Variants in BIRC6 observed in about 807,000 individuals in gnomAD.
BIRC6 encodes the protein baculoviral IAP repeat containing 6, also known as dual E2 ubiquitin-conjugating enzyme/E3 ubiquitin-protein ligase BIRC6.
In BIRC6, 98 loss-of-function variants were observed where a neutral mutation model predicts 503.3. That is an observed-to-expected ratio of 0.19 (90% CI 0.17 to 0.23). The LOEUF (loss-of-function observed/expected upper bound fraction) is 0.23. Ranked by LOEUF, BIRC6 falls within the 10% of genes least tolerant of loss-of-function variation. The pLI is 1.00. For synonymous variants in BIRC6, 2,240 were observed against 2,078.7 expected (o/e 1.08, Z -2.11); for missense variants, 5,360 against 5,806.0 (o/e 0.92, Z 2.50).
intron 73 of BIRC6, among the ~76,000 whole-genome samples, chr2:32,613,774 G>T (rs1390834869): frequency 6.6e-6 from 1 of 152,174 alleles, no homozygotes; most frequent in African/African-American, 2.4e-5. Flanking sequence ...TTCATCTGTA[G>T]ACTATCTTGG....
chr2:32,418,633 C>A (rs969698939), intron 10 of BIRC6, among the ~76,000 whole-genome samples: 4 of 152,232 alleles, frequency 2.6e-5, no homozygotes, highest in African/African-American at 7.2e-5. Context: ...GACATGGCAC[C>A]CCGGTGCACA....
intron 9 of BIRC6, among the ~76,000 whole-genome samples, chr2:32,410,858 GC>G (rs1342996521): frequency 6.6e-6 from 1 of 151,834 alleles, no homozygotes; most frequent in Non-Finnish European, 1.5e-5. Context: ...CCGCCAGCAC[GC>G]CCGGCTAAAT....
chr2:32,388,336 T>G (rs1437290884), intron 3 of BIRC6, among the ~76,000 whole-genome samples: 4 of 149,922 alleles, frequency 2.7e-5, no homozygotes, highest in African/African-American at 9.8e-5. Flanking sequence ...GAGCCGAGAT[T>G]GCACCACTGC....
chr2:32,479,543 C>T lies in BIRC6; in HGVS notation c.7334C>T (p.Ser2445Phe). 1 of 1,608,040 alleles carries T rather than the reference C, an allele frequency of 6.2e-7. No individual in the cohort carries two copies. The highest frequency in any genetic ancestry group is 8.5e-7 in the Non-Finnish European group (1 of 1,176,928). The change falls in exon 37 of 74, where the codon TCT becomes TTT. Residue 2445 changes from serine to phenylalanine, a missense_variant. By Grantham distance (155) the Ser-to-Phe change is radical. Around this residue, in one of 16 missense-constraint regions of BIRC6, gnomAD observed 2,299 missense variants for 2,267.2 expected, o/e 1.01. Transcript: ENST00000421745. Reference sequence around the variant, plus strand: ...GATGTAGGTGCGACAGCTGGTGACTCTGATGACTCCCTTCAACAGTCCTCA... The same window carrying T: ...GATGTAGGTGCGACAGCTGGTGACTTTGATGACTCCCTTCAACAGTCCTCA... ...GDDVGATAGD[S>F]DDSLQQSSVQ...
At chr2:32,385,208 C>G (rs1303941323) in intron 3 of BIRC6, among the ~76,000 whole-genome samples, 3 of 152,192 alleles carry the variant, frequency 2.0e-5, no homozygotes, top group Non-Finnish European at 4.4e-5. Flanking sequence ...ATCTGTAAAT[C>G]AGGGCCAAGA....
At chr2:32,446,043 A>G (rs2045912581) in intron 21 of BIRC6, among the ~76,000 whole-genome samples, 1 of 151,768 alleles carries the variant, frequency 6.6e-6, no homozygotes, top group African/African-American at 2.4e-5. Flanking sequence ...TTTAGTAGAG[A>G]CGGGGTTTCT....
Position 32,471,087 on chromosome 2 carries a change from T to A in BIRC6, c.6555T>A (p.Val2185=). ...VSRLLDYVAT[V]EDEAAAAKKP... ...GGTTGCTGGATTATGTGGCAACTGTTGAAGATGAAGCAGCAGCTGCAAAGA... is the reference window on the plus strand; with the variant it reads ...GGTTGCTGGATTATGTGGCAACTGTAGAAGATGAAGCAGCAGCTGCAAAGA... Residue 2185 remains valine (V), a synonymous_variant, in exon 32 of 74, where the codon GTT becomes GTA. Coordinates refer to ENST00000421745, the MANE Select transcript of BIRC6 (RefSeq NM_016252.4). 6.3e-7 allele frequency: 1 copy of A among 1,581,380 alleles called. No individual in the cohort carries two copies. The highest frequency in any genetic ancestry group is 8.6e-7 in the Non-Finnish European group (1 of 1,161,632).
At chr2:32,448,247 G>A (rs1202844828) in intron 21 of BIRC6, among the ~76,000 whole-genome samples, 14 of 95,766 alleles carry the variant, frequency 1.5e-4, no homozygotes, top group Admixed American at 5.6e-4. Flanking sequence ...CTTCCCAGAC[G>A]GGGTGGCGGC....
intron 68 of BIRC6, among the ~76,000 whole-genome samples, chr2:32,596,366 G>C (rs1037083813): frequency 4.0e-5 from 6 of 150,854 alleles, no homozygotes; most frequent in Non-Finnish European, 7.4e-5. Context: ...TGTAACCCCA[G>C]CTACTCAGGA....
intron 57 of BIRC6, among the ~76,000 whole-genome samples, chr2:32,524,069 A>T (rs1042799966): frequency 6.6e-6 from 1 of 151,786 alleles, no homozygotes; most frequent in Non-Finnish European, 1.5e-5. Flanking sequence ...AGAATTGGAG[A>T]CTTGATAACA....
At chr2:32,371,889 T>G (rs1248770654) in intron 1 of BIRC6, among the ~76,000 whole-genome samples, 1 of 152,120 alleles carries the variant, frequency 6.6e-6, no homozygotes, top group Non-Finnish European at 1.5e-5. Context: ...CACTGCAACC[T>G]CCACCTCCCT....
At chr2:32,367,057 A>G (rs921493412) in intron 1 of BIRC6, among the ~76,000 whole-genome samples, 1 of 152,232 alleles carries the variant, frequency 6.6e-6, no homozygotes, top group East Asian at 1.9e-4. Flanking sequence ...AAGTTAAGAT[A>G]AACTTGGGTG....
intron 3 of BIRC6, among the ~76,000 whole-genome samples, chr2:32,386,084 G>A (rs577087934): frequency 1.3e-5 from 2 of 152,302 alleles, no homozygotes; most frequent in African/African-American, 4.8e-5. Context: ...TCATGATGTA[G>A]TGGACCATTA....
At position 32,515,630 on chromosome 2, in the gene BIRC6, A is replaced by C; in HGVS notation, c.11209A>C (p.Ser3737Arg). ...GSHNLGAQQT[S>R]ARSASLSSAA... ...CCATAATTTAGGTGCACAACAGACC[A>C]GTGCAAGATCAGCTTCTCTTTCTTC... is the stretch of plus-strand genomic sequence containing the variant. The change falls in exon 55 of 74, where the codon AGT (serine) becomes CGT (arginine). Residue 3737 changes from serine to arginine, a missense_variant. Ser to Arg is a moderately radical substitution (Grantham distance 110). Around this residue, in one of 16 missense-constraint regions of BIRC6, gnomAD observed 878 missense variants for 928.9 expected, o/e 0.95. Transcript: ENST00000421745. The C allele has an allele frequency of 1.2e-6, 2 of 1,613,092 alleles. No homozygotes were observed. The highest frequency in any genetic ancestry group is 1.7e-6 in the Non-Finnish European group (2 of 1,179,880).
At chr2:32,603,153 G>C in intron 71 of BIRC6, 70 bp downstream of exon 71, 1 of 1,191,444 alleles carries the variant, frequency 8.4e-7, no homozygotes, top group Non-Finnish European at 1.2e-6. Context: ...AAAATTTTTA[G>C]TGACCAAGAA....
At chr2:32,502,427 T>C (rs546906114) in intron 47 of BIRC6, among the ~76,000 whole-genome samples, 1 of 152,232 alleles carries the variant, frequency 6.6e-6, no homozygotes, top group Non-Finnish European at 1.5e-5. Flanking sequence ...CAGTTTCTTA[T>C]GTCTTTTATA....
intron 61 of BIRC6, among the ~76,000 whole-genome samples, chr2:32,535,373 T>C (rs1056983058): frequency 2.0e-5 from 3 of 152,176 alleles, no homozygotes; most frequent in Non-Finnish European, 4.4e-5. Flanking sequence ...TACACATGTA[T>C]ACATGTGCAA....
chr2:32,429,121 A>G (rs965293488), intron 10 of BIRC6, 25 bp from the exon 11 acceptor site: 3 of 1,551,758 alleles, frequency 1.9e-6, no homozygotes, highest in Non-Finnish European at 2.6e-6. Flanking sequence ...TTTTTCATGT[A>G]TCTATGAAAT....
chr2:32,500,462 C>T (rs1193819900), intron 46 of BIRC6, among the ~76,000 whole-genome samples: 3 of 150,140 alleles, frequency 2.0e-5, no homozygotes, highest in Admixed American at 1.3e-4. Flanking sequence ...CTTGCTCCCA[C>T]GCTGGAGTAC....
Sources: gnomAD v4.1 joint callset for allele counts (sites outside exome capture counted in the v4.1 genomes callset) on GRCh38, gnomAD v4.1.1 for gene constraint, gnomAD v4.1.1 regional missense constraint, MANE v1.5 for transcripts, NCBI Gene and HGNC (gene_info 2026-07-23, HGNC 2026-07-21) for gene names.